TTLL4: variants seen among roughly 807,000 people sequenced by gnomAD.
TTLL4 encodes tubulin monoglutamylase TTLL4.
A neutral mutation model predicts 122.7 loss-of-function variants in TTLL4; 85 were observed. That is an observed-to-expected ratio of 0.69 (90% confidence interval 0.58 to 0.83). TTLL4 has a LOEUF of 0.83. TTLL4 is among the 40% of genes least tolerant of loss of function. The probability of loss-of-function intolerance (pLI) is 0.00; values close to 1 mark genes in which losing one functional copy is unlikely to be tolerated. For synonymous variants in TTLL4, 553 were observed against 563.0 expected, an observed-to-expected ratio of 0.98 and a Z score of 0.25; for missense variants, 1,363 against 1,488.6, an observed-to-expected ratio of 0.92 and a Z score of 1.39.
rs1199810808 is a variant in TTLL4 at position 218,746,171 on chromosome 2, G to A, written c.1914G>A (p.Leu638=). The A allele has an allele frequency of 3.1e-6, 5 of 1,614,044 alleles. No homozygotes were observed. Among genetic ancestry groups the A allele is most frequent in the Non-Finnish European group, 4.2e-6 (5 of 1,180,050 alleles). ...FKISKRNDDW[L]GCWGHHMKSP... Reference sequence around the variant, plus strand: ...CTCCCATAGGAAACGATGACTGGCTGGGCTGCTGGGGTCACCACATGAAGT... The same window carrying A: ...CTCCCATAGGAAACGATGACTGGCTAGGCTGCTGGGGTCACCACATGAAGT... The change falls in exon 8 of 20, where the codon CTG becomes CTA. Residue 638 remains leucine (L), a synonymous_variant. Transcript: ENST00000392102.
At position 218,749,288 on chromosome 2, in the gene TTLL4, ATG is replaced by A. The variant is rs773154102; in HGVS notation, c.2639_2640del (p.Val880AlafsTer5). On this transcript the variant is annotated frameshift_variant, in exon 14 of 20. Coordinates refer to ENST00000392102, the MANE Select transcript of TTLL4 (RefSeq NM_014640.5). LOFTEE classifies it high-confidence loss of function. ...TATGTGACCAGCCTGCTCAAGATGT[ATG>A]TGCGACGGCCCTATAGCTGCCATGA... The A allele has an allele frequency of 6.2e-7, 1 of 1,614,090 alleles. No individual in the cohort carries two copies.
chr2:218,752,884 C>T lies in TTLL4; in HGVS notation c.3098C>T (p.Ser1033Phe), dbSNP rs1159936693. The part of the protein sequence containing the change: ...FERIFPSHIS[S>F]RYLRFFEQPR... ...CGAATTTTTCCTTCTCATATCTCCT[C>T]TCGCTATCTCCGCTTTTTTGAGCAG... Residue 1033 changes from serine to phenylalanine, a missense_variant, in exon 17 of 20, where the codon TCT becomes TTT. Ser to Phe is a radical substitution (Grantham distance 155, BLOSUM62 -2). Around this residue, in one of 3 missense-constraint regions of TTLL4, gnomAD observed 596 missense variants for 655.8 expected, o/e 0.91. Coordinates refer to ENST00000392102, the MANE Select transcript of TTLL4 (RefSeq NM_014640.5). 1.2e-6 allele frequency: 2 copies of T among 1,614,220 alleles called. No individual in the cohort carries two copies. Among genetic ancestry groups the T allele is most frequent in the African/African-American group, 1.3e-5 (1 of 75,048 alleles).
chr2:218,757,318 A>T (rs540353418), downstream of TTLL4, among the ~76,000 whole-genome samples: 214 of 152,324 alleles, frequency 1.4e-3, 1 homozygote, highest in Non-Finnish European at 1.7e-3. Flanking sequence ...CCCAGTGCAC[A>T]CACAAACATC....
At chr2:218,714,542 TGG>T (rs1459534964) in intron 1 of TTLL4, among the ~76,000 whole-genome samples, 1 of 152,138 alleles carries the variant, frequency 6.6e-6, no homozygotes, top group Non-Finnish European at 1.5e-5. Flanking sequence ...CTGGCAGAGT[TGG>T]GAACAAATAC....
rs779542849 is a variant in TTLL4 at position 218,739,040 on chromosome 2, C to T, written c.1364C>T (p.Pro455Leu). Residue 455 changes from proline (P) to leucine (L), a missense_variant, in exon 3 of 20, where the codon CCT becomes CTT. Coordinates refer to ENST00000392102, the MANE Select transcript of TTLL4 (RefSeq NM_014640.5). ...GGAGAAGGCAAAGCTCCAGGTCCCC[C>T]TTTTCCTCAAACTCTTGGCATAGCC... Reference protein sequence around the residue: ...AFGEGKAPGPPFPQTLGIANV... With the variant: ...AFGEGKAPGPLFPQTLGIANV... 1.2e-6 allele frequency: 2 copies of T among 1,614,198 alleles called. No homozygotes were observed. The highest frequency in any genetic ancestry group is 1.7e-6 in the Non-Finnish European group (2 of 1,180,040).
chr2:218,738,517 G>A lies in TTLL4; in HGVS notation c.841G>A (p.Ala281Thr). ...PKSIGTVPAD[A>T]SAHIALSTAS... Reference sequence around the variant, plus strand: ...AAGCATTGGCACTGTCCCAGCTGATGCCAGTGCCCATATCGCCTTGTCTAC... The same window carrying A: ...AAGCATTGGCACTGTCCCAGCTGATACCAGTGCCCATATCGCCTTGTCTAC... The change falls in exon 3 of 20, where the codon GCC becomes ACC. Residue 281 changes from alanine to threonine, a missense_variant. Ala to Thr is a moderately conservative substitution (Grantham distance 58). Around this residue, in one of 3 missense-constraint regions of TTLL4, gnomAD observed 760 missense variants for 808.4 expected, o/e 0.94. Coordinates refer to ENST00000392102, the MANE Select transcript of TTLL4 (RefSeq NM_014640.5). 6.2e-7 allele frequency: 1 copy of A among 1,614,166 alleles called. No individual in the cohort carries two copies. The highest frequency in any genetic ancestry group is 2.2e-5 in the East Asian group (1 of 44,878).
rs1481475486 is a variant in TTLL4, at chr2:218,746,603, A to G, written c.1974+372A>G. 8.2e-6 allele frequency: 3 copies of G among 363,690 alleles called. No homozygotes were observed. The Admixed American group carries it at 1.2e-4, about 15-fold the overall frequency. 22.5% of individuals were successfully genotyped at this position (363,690 alleles called of 1,614,324 possible). A position where few individuals can be genotyped will look rare whatever the true frequency, so the allele number is the denominator to read the frequency against. ...TTTCTGTTTATTATGTTTCCCTATG[A>G]TCACTGCACATTCCATTCTCCCAAG... On this transcript the variant is annotated intron_variant, in intron 8 of 19. Transcript: ENST00000392102.
intron 1 of TTLL4, among the ~76,000 whole-genome samples, chr2:218,719,871 G>A (rs1360213482): frequency 1.3e-5 from 2 of 152,214 alleles, no homozygotes; most frequent in Admixed American, 6.5e-5. Flanking sequence ...ATTAGGAAGG[G>A]CACACCTTGG....
chr2:218,712,479 T>C (rs556352316), intron 1 of TTLL4, among the ~76,000 whole-genome samples: 2 of 151,888 alleles, frequency 1.3e-5, no homozygotes, highest in East Asian at 3.9e-4. Context: ...TTCCACCTCC[T>C]GGGTTCAAGC....
chr2:218,737,652 C>G lies in TTLL4; in HGVS notation c.-25C>G. 6.4e-7 allele frequency: 1 copy of G among 1,551,876 alleles called. No individual in the cohort carries two copies. The highest frequency in any genetic ancestry group is 8.7e-7 in the Non-Finnish European group (1 of 1,149,120). ...CCTTACCTCAGCAAGGCCATGAGAC[C>G]GTGTGGCCATGATGTGGGCCCCTCA... On this transcript the variant is annotated 5_prime_UTR_variant, in exon 3 of 20. Transcript: ENST00000392102.
rs763589246 is a variant in TTLL4 at position 218,747,175 on chromosome 2, A to C, written c.2147A>C (p.Gln716Pro). 1.2e-6 allele frequency: 2 copies of C among 1,614,194 alleles called. No homozygotes were observed. Among genetic ancestry groups the C allele is most frequent in the Non-Finnish European group, 1.7e-6 (2 of 1,180,028 alleles). ...LRKAWESSSR[Q>P]KWIVKPPASA... Reference sequence around the variant, plus strand: ...AAAGCGTGGGAGAGCAGCAGCCGCCAAAAGTGGATTGTGAAGCCAGTGAGT... The same window carrying C: ...AAAGCGTGGGAGAGCAGCAGCCGCCCAAAGTGGATTGTGAAGCCAGTGAGT... The change falls in exon 9 of 20, where the codon CAA (glutamine) becomes CCA (proline). Residue 716 changes from glutamine (Q) to proline (P), a missense_variant. Transcript: ENST00000392102. The surrounding 1 kb of genome is among the most constrained non-coding windows in gnomAD (Gnocchi z 4.7).
At position 218,737,585 on chromosome 2, in the gene TTLL4, A is replaced by G. The variant is rs563291669; in HGVS notation, c.-92A>G. The G allele has an allele frequency of 1.1e-5, 16 of 1,409,122 alleles. No homozygotes were observed. Among genetic ancestry groups the G allele is most frequent in the Non-Finnish European group, 1.3e-5 (14 of 1,038,052 alleles). The allele number at this position is 1,409,122 out of a possible 1,614,324, so 87.3% of individuals were successfully genotyped here. ...TCATTTCTCTCCACTTCAGACTGACAGACTTCAAGGATGCAGCTGCTACTA... is the reference window on the plus strand; with the variant it reads ...TCATTTCTCTCCACTTCAGACTGACGGACTTCAAGGATGCAGCTGCTACTA... On this transcript the variant is annotated 5_prime_UTR_variant, in exon 3 of 20. Coordinates refer to ENST00000392102, the MANE Select transcript of TTLL4 (RefSeq NM_014640.5).
intron 13 of TTLL4, 61 bp downstream of exon 13, chr2:218,748,995 C>T: frequency 6.5e-7 from 1 of 1,541,026 alleles, no homozygotes; most frequent in South Asian, 1.1e-5. Context: ...TTCTCCTGGG[C>T]CTCACACTGC....
At position 218,745,336 on chromosome 2, in the gene TTLL4, G is replaced by A. The variant is rs952073953; in HGVS notation, c.1786+103G>A. 29 of 1,492,628 alleles carry A rather than the reference G, an allele frequency of 1.9e-5. No homozygotes were observed. In the African/African-American group the frequency reaches 3.9e-4, roughly 20 times the overall value. The allele number at this position is 1,492,628 out of a possible 1,614,324, so 92.5% of individuals were successfully genotyped here. The stretch of plus-strand genomic sequence containing the variant: ...TAGGTAGGAGAGGGTTTCCAGAATG[G>A]CTGTTGTGGCAGTTGTCACACTGTG... On this transcript the variant is annotated intron_variant, in intron 6 of 19. Transcript: ENST00000392102.
At chr2:218,714,850 C>T (rs1048701280) in intron 1 of TTLL4, among the ~76,000 whole-genome samples, 2 of 152,104 alleles carry the variant, frequency 1.3e-5, no homozygotes, top group Non-Finnish European at 2.9e-5. Flanking sequence ...CTCAAACAGT[C>T]CTCCCGCCTC....
chr2:218,740,405 T>G, intron 4 of TTLL4, 116 bp from the exon 5 acceptor site: 1 of 1,164,596 alleles, frequency 8.6e-7, no homozygotes, highest in Non-Finnish European at 1.3e-6. Context: ...GGGGTGGTGC[T>G]TGTGGCTCCC....
At position 218,748,885 on chromosome 2, in the gene TTLL4, G is replaced by A. The variant is rs773201698; in HGVS notation, c.2551G>A (p.Asp851Asn). The part of the protein sequence containing the change: ...NYLSQKGVNS[D>N]AIWEKIKDVV... Reference sequence around the variant, plus strand: ...CCTGAGCCAGAAGGGAGTCAATAGCGACGCCATCTGGGAGAAGATAAAGGA... The same window carrying A: ...CCTGAGCCAGAAGGGAGTCAATAGCAACGCCATCTGGGAGAAGATAAAGGA... Residue 851 changes from aspartate to asparagine, a missense_variant, in exon 13 of 20, where the codon GAC (aspartate) becomes AAC (asparagine). Around this residue, in one of 3 missense-constraint regions of TTLL4, gnomAD observed 596 missense variants for 655.8 expected, o/e 0.91. Coordinates refer to ENST00000392102, the MANE Select transcript of TTLL4 (RefSeq NM_014640.5). 10 of 1,614,020 alleles carry A rather than the reference G, an allele frequency of 6.2e-6. No individual in the cohort carries two copies. Among genetic ancestry groups the A allele is most frequent in the East Asian group, 2.2e-5 (1 of 44,892 alleles).
intron 14 of TTLL4, among the ~76,000 whole-genome samples, chr2:218,749,686 C>G (rs1342757183): frequency 6.6e-6 from 1 of 152,162 alleles, no homozygotes; most frequent in Non-Finnish European, 1.5e-5. Context: ...CCAGGACGGT[C>G]TCGATCTCCT....
At chr2:218,725,426 A>G (rs529582058) in intron 1 of TTLL4, among the ~76,000 whole-genome samples, 1 of 151,208 alleles carries the variant, frequency 6.6e-6, no homozygotes, top group Non-Finnish European at 1.5e-5. Flanking sequence ...GGATCTCACT[A>G]TGTTTCCCAG....
Sources: allele counts gnomAD v4.1 joint callset (sites outside exome capture counted in the v4.1 genomes callset), GRCh38; gene constraint gnomAD v4.1.1; regional missense constraint gnomAD v4.1.1; non-coding constraint Gnocchi (gnomAD v3.1); transcripts MANE v1.5; gene names NCBI Gene and HGNC (gene_info 2026-07-23, HGNC 2026-07-21).